The following CEP57L1 variants were observed in gnomAD, a reference collection of about 807,000 sequenced individuals.
The protein encoded by CEP57L1 is centrosomal protein 57 like 1.
A neutral mutation model predicts 61.0 loss-of-function variants in CEP57L1; 37 were observed. That is an observed-to-expected ratio of 0.61 (90% CI 0.47 to 0.80). The LOEUF is 0.80. Among genes scored for constraint, CEP57L1 ranks in the 30% least tolerant of loss-of-function variants. CEP57L1 has a pLI of 0.00. For missense variants in CEP57L1, 422 were observed against 524.7 expected (o/e 0.80, Z 1.91); for synonymous variants, 137 against 162.3 (o/e 0.84, Z 1.19).
At chr6:109,095,173 G>C, upstream of CEP57L1, 1 of 985,558 alleles carries the variant, frequency 1.0e-6, no homozygotes, top group African/African-American at 1.7e-5. Context: ...AAGCGCCCCC[G>C]GAGGCGCTAA....
At chr6:109,129,975 C>G (rs1215127157) in intron 1 of CEP57L1, among the ~76,000 whole-genome samples, 1 of 152,112 alleles carries the variant, frequency 6.6e-6, no homozygotes, top group Non-Finnish European at 1.5e-5. Context: ...CAGATTATTT[C>G]TGATTATATT....
At chr6:109,117,783 A>G (rs1391626063) in intron 1 of CEP57L1, among the ~76,000 whole-genome samples, 3 of 152,332 alleles carry the variant, frequency 2.0e-5, no homozygotes, top group African/African-American at 4.8e-5. Context: ...ATACAGTCAC[A>G]GGCAACGTCT....
At position 109,163,884 on chromosome 6, in the gene CEP57L1, T is replaced by C. The variant is rs924818322; in HGVS notation, c.*914T>C. 6.6e-6 allele frequency: 1 copy of C among 152,196 alleles called. No homozygotes were observed. Among genetic ancestry groups the C allele is most frequent in the Non-Finnish European group, 1.5e-5 (1 of 68,028 alleles). The allele number at this position is 152,196 out of a possible 1,614,324, so 9.4% of individuals were successfully genotyped here. Reference sequence around the variant, plus strand: ...GTCATTGTGTATGCATGCTTTATAATAAATTTACACTTGATCATTTTTCTG... The same window carrying C: ...GTCATTGTGTATGCATGCTTTATAACAAATTTACACTTGATCATTTTTCTG... On this transcript the variant is annotated 3_prime_UTR_variant, in exon 11 of 11. Transcript: ENST00000517392.
At chr6:109,098,443 G>T (rs1463531857) in intron 1 of CEP57L1, among the ~76,000 whole-genome samples, 1 of 151,670 alleles carries the variant, frequency 6.6e-6, no homozygotes, top group East Asian at 1.9e-4. Context: ...ACCGTGCCCG[G>T]CCTCTTTCTT....
chr6:109,106,561 A>C (rs540579024), intron 1 of CEP57L1, among the ~76,000 whole-genome samples: 1 of 152,310 alleles, frequency 6.6e-6, no homozygotes, highest in South Asian at 2.1e-4. Context: ...TTTGAGTTTA[A>C]CTTACAAGTT....
intron 1 of CEP57L1, among the ~76,000 whole-genome samples, chr6:109,116,129 GTTA>G (rs1562512142): frequency 0.12 from 5,619 of 48,620 alleles, 131 homozygotes; most frequent in Middle Eastern, 0.26. Context: ...TATGTGTTGT[GTTA>G]TGTTATGTTA....
intron 4 of CEP57L1, among the ~76,000 whole-genome samples, chr6:109,151,938 A>G (rs1772657129): frequency 1.3e-5 from 2 of 150,918 alleles, no homozygotes; most frequent in East Asian, 2.0e-4. Flanking sequence ...CTTTATCACT[A>G]GTTTTCAACA....
At chr6:109,112,321 A>G (rs1266321199) in intron 1 of CEP57L1, among the ~76,000 whole-genome samples, 1 of 152,108 alleles carries the variant, frequency 6.6e-6, no homozygotes, top group East Asian at 1.9e-4. Flanking sequence ...AGAGGTGTTT[A>G]TAGTATTCTG....
chr6:109,114,539 A>G (rs1034789761), intron 1 of CEP57L1, among the ~76,000 whole-genome samples: 2 of 152,160 alleles, frequency 1.3e-5, no homozygotes, highest in Admixed American at 6.6e-5. Context: ...AACAACATGG[A>G]TGAACCTAGA....
intron 1 of CEP57L1, among the ~76,000 whole-genome samples, chr6:109,102,268 G>C (rs1172213443): frequency 6.6e-6 from 1 of 152,082 alleles, no homozygotes; most frequent in Non-Finnish European, 1.5e-5. Context: ...TGCTTTCATA[G>C]ATCACTGTAA....
At chr6:109,151,278 G>T (rs528566111) in intron 4 of CEP57L1, among the ~76,000 whole-genome samples, 1 of 152,192 alleles carries the variant, frequency 6.6e-6, no homozygotes, top group Non-Finnish European at 1.5e-5. Context: ...AAAAGCAAAG[G>T]TCCAAGAACA....
At chr6:109,161,957 G>A (rs1773755442) in intron 10 of CEP57L1, among the ~76,000 whole-genome samples, 1 of 152,052 alleles carries the variant, frequency 6.6e-6, no homozygotes, top group Admixed American at 6.6e-5. Flanking sequence ...AAGTGAAATA[G>A]CTTAAGTAAT....
chr6:109,097,299 C>T lies in CEP57L1; in HGVS notation c.-4+1724C>T, dbSNP rs1781819336. ...TACAGTAGCAATTATTCACAATGAC[C>T]CTCCTCCATTAGTTCTCCATTATAT... On this transcript the variant is annotated intron_variant, in intron 1 of 10. Transcript: ENST00000517392. Among the ~76,000 whole-genome samples, 4 of 152,126 alleles carry T rather than the reference C, an allele frequency of 2.6e-5. No homozygotes were observed. In the South Asian group the frequency reaches 8.3e-4, roughly 32 times the overall value.
In CEP57L1 at chr6:109,163,007, A is replaced by C. The variant is rs766301088; in HGVS notation, c.*37A>C. On this transcript the variant is annotated 3_prime_UTR_variant, in exon 11 of 11. Coordinates refer to ENST00000517392, the MANE Select transcript of CEP57L1 (RefSeq NM_001271852.3). ...AACTGTCACCTTAATGAACTTTGTC[A>C]GTGAGACCTTGAATTGTCTAAAGTG... 2.3e-6 allele frequency: 3 copies of C among 1,315,520 alleles called. No individual in the cohort carries two copies. The highest frequency in any genetic ancestry group is 3.3e-6 in the Non-Finnish European group (3 of 914,924). The allele number at this position is 1,315,520 out of a possible 1,614,324, so 81.5% of individuals were successfully genotyped here.
At chr6:109,095,678 T>A in intron 1 of CEP57L1, 103 bp downstream of exon 1, 1 of 716,282 alleles carries the variant, frequency 1.4e-6, no homozygotes, top group Non-Finnish European at 1.7e-6. Flanking sequence ...TGGCCTCCCT[T>A]AGTCCAAGGA....
chr6:109,133,944 G>T (rs1353408255), intron 1 of CEP57L1, among the ~76,000 whole-genome samples: 1 of 151,974 alleles, frequency 6.6e-6, no homozygotes, highest in African/African-American at 2.4e-5. Context: ...AAAACAAGTC[G>T]AGGACCAGAT....
In CEP57L1 at chr6:109,122,402, G is replaced by A. The variant is rs76933219; in HGVS notation, c.-3-22817G>A. On this transcript the variant is annotated intron_variant, in intron 1 of 10. Coordinates refer to ENST00000517392, the MANE Select transcript of CEP57L1 (RefSeq NM_001271852.3). ...GCATTTGTACCCCTTTTGTTGTTCT[G>A]GCTTTACATGGGAGGCTCTTATTTG... 8.3e-3 allele frequency among the ~76,000 whole-genome samples: 1,262 copies of A among 152,018 alleles called. 23 individuals carry two copies. The highest frequency in any genetic ancestry group is 0.029 in the African/African-American group (1,211 of 41,460).
upstream of CEP57L1, chr6:109,095,478 C>A (rs770477684): frequency 1.0e-6 from 1 of 985,854 alleles, no homozygotes; most frequent in South Asian, 4.7e-5. Context: ...TTGTTTGCGA[C>A]AGAAACTACA....
Position 109,150,220 on chromosome 6 carries a change from A to C in CEP57L1, c.443A>C (p.Asn148Thr). The change falls in exon 4 of 11, where the codon AAC becomes ACC. Residue 148 changes from asparagine (N) to threonine (T), a missense_variant. Transcript: ENST00000517392. ...GTTCTCAACGTAGAGCGAGAAAAGA[A>C]CATGATCCTAGAACAACAGGTGAGC... is the stretch of plus-strand genomic sequence containing the variant. Reference protein sequence around the residue: ...RMVLNVEREKNMILEQQAQLQ... With the variant: ...RMVLNVEREKTMILEQQAQLQ... The C allele has an allele frequency of 1.2e-6, 2 of 1,602,408 alleles. No individual in the cohort carries two copies. Among genetic ancestry groups the C allele is most frequent in the Non-Finnish European group, 1.7e-6 (2 of 1,169,846 alleles).
Sources: allele counts gnomAD v4.1 joint callset (sites outside exome capture counted in the v4.1 genomes callset), GRCh38; gene constraint gnomAD v4.1.1; transcripts MANE v1.5; gene names NCBI Gene and HGNC (gene_info 2026-07-23, HGNC 2026-07-21).